Variants in ITPR1 observed in about 807,000 individuals in gnomAD.
ITPR1 encodes inositol 1,4,5-trisphosphate-gated calcium channel ITPR1.
A neutral mutation model predicts 318.4 loss-of-function variants in ITPR1; 96 were observed. The ratio of observed to expected loss-of-function variants is 0.30; its 90% CI spans 0.26 to 0.36. ITPR1 has a LOEUF of 0.36. ITPR1 is among the 10% of genes least tolerant of loss of function. The pLI, the probability that ITPR1 is intolerant of heterozygous loss-of-function variation, is 1.00. For missense variants in ITPR1, 2,440 were observed against 3,460.2 expected (o/e 0.71, Z 7.40); for synonymous variants, 1,312 against 1,289.9 (o/e 1.02, Z -0.37).
intron 4 of ITPR1, among the ~76,000 whole-genome samples, chr3:4,623,173 A>G (rs1263453571): frequency 7.9e-5 from 12 of 152,192 alleles, no homozygotes; most frequent in Non-Finnish European, 1.0e-4. Context: ...CTGATTTGAT[A>G]GTCAAACTCA....
intron 4 of ITPR1, among the ~76,000 whole-genome samples, chr3:4,557,039 G>A (rs80151924): frequency 0.015 from 2,219 of 152,204 alleles, 50 homozygotes; most frequent in African/African-American, 0.048. Context: ...TTTACAGCCC[G>A]ATATCACCAA....
chr3:4,780,671 G>T (rs1444958947), intron 49 of ITPR1, among the ~76,000 whole-genome samples: 1 of 152,172 alleles, frequency 6.6e-6, no homozygotes, highest in African/African-American at 2.4e-5. Context: ...AAAGTTAAGA[G>T]CAGCCCAGTT....
intron 44 of ITPR1, among the ~76,000 whole-genome samples, chr3:4,741,260 A>G (rs1365227990): frequency 1.3e-5 from 2 of 152,150 alleles, no homozygotes; most frequent in Non-Finnish European, 2.9e-5. Context: ...ATATGCTGAC[A>G]TGACCATAGA....
At chr3:4,757,526 C>T (rs1353252399) in intron 44 of ITPR1, among the ~76,000 whole-genome samples, 1 of 152,256 alleles carries the variant, frequency 6.6e-6, no homozygotes, top group East Asian at 1.9e-4. Context: ...AGGACAGACT[C>T]TTGCTCAGGG....
intron 4 of ITPR1, among the ~76,000 whole-genome samples, chr3:4,587,219 A>AT (rs5846328): frequency 0.18 from 27,693 of 149,750 alleles, 3,406 homozygotes; most frequent in East Asian, 0.41. Flanking sequence ...AAGGGCCTGC[A>AT]TTTCTAGCAA....
At chr3:4,624,850 T>G (rs2092772973) in intron 4 of ITPR1, among the ~76,000 whole-genome samples, 1 of 152,162 alleles carries the variant, frequency 6.6e-6, no homozygotes, top group Admixed American at 6.6e-5. Context: ...TCATGTATGG[T>G]TATTCATGGA....
chr3:4,499,639 T>C (rs953288780), intron 2 of ITPR1, among the ~76,000 whole-genome samples: 1 of 152,234 alleles, frequency 6.6e-6, no homozygotes, highest in East Asian at 1.9e-4. Context: ...CAGATCTTTT[T>C]TCCATGCATT....
chr3:4,814,366 C>G (rs1282573271), intron 57 of ITPR1, 57 bp from the exon 58 acceptor site: 1 of 1,586,666 alleles, frequency 6.3e-7, no homozygotes, highest in Non-Finnish European at 8.7e-7. Flanking sequence ...ATTTCAAAAT[C>G]CCGGTCTCTC....
intron 4 of ITPR1, among the ~76,000 whole-genome samples, chr3:4,619,495 C>G (rs1272328109): frequency 6.7e-6 from 1 of 150,266 alleles, no homozygotes; most frequent in African/African-American, 2.5e-5. Flanking sequence ...ACTCCTCCCT[C>G]TCTCCTTTCC....
chr3:4,516,333 C>CCA, intron 2 of ITPR1, 143 bp from the exon 3 acceptor site: 1 of 523,974 alleles, frequency 1.9e-6, no homozygotes, highest in Admixed American at 4.1e-5. Context: ...CTCATTGAAT[C>CCA]GCCTGCCTGT....
At chr3:4,635,259 G>T (rs1218409984) in intron 5 of ITPR1, among the ~76,000 whole-genome samples, 1 of 152,250 alleles carries the variant, frequency 6.6e-6, no homozygotes, top group African/African-American at 2.4e-5. Context: ...TCAATGTTAT[G>T]TTGAGTGAAA....
At chr3:4,566,343 G>A (rs1015316681) in intron 4 of ITPR1, among the ~76,000 whole-genome samples, 1 of 152,130 alleles carries the variant, frequency 6.6e-6, no homozygotes, top group African/African-American at 2.4e-5. Context: ...TTATGTATGA[G>A]TAGTAGTTTG....
chr3:4,601,498 T>G (rs2091280280), intron 4 of ITPR1, among the ~76,000 whole-genome samples: 1 of 98,032 alleles, frequency 1.0e-5, no homozygotes, highest in Non-Finnish European at 2.0e-5. Context: ...AGACCCTGTC[T>G]CAAAAAAAAA....
At chr3:4,496,507 A>G (rs1181146372) in intron 2 of ITPR1, among the ~76,000 whole-genome samples, 1 of 152,204 alleles carries the variant, frequency 6.6e-6, no homozygotes. Flanking sequence ...TGACAATGGT[A>G]TCTATTTAAA....
At chr3:4,807,255 G>C (rs142677308) in intron 55 of ITPR1, among the ~76,000 whole-genome samples, 201 of 152,154 alleles carry the variant, frequency 1.3e-3, no homozygotes, top group African/African-American at 4.6e-3. Flanking sequence ...GCGTATGAGA[G>C]GCATCCAGCC....
chr3:4,655,573 G>A (rs551869085), intron 12 of ITPR1, among the ~76,000 whole-genome samples: 2 of 152,276 alleles, frequency 1.3e-5, no homozygotes, highest in South Asian at 4.1e-4. Context: ...AGGTTGTCTG[G>A]GCTGCACAGC....
chr3:4,672,929 C>G (rs540002712), intron 20 of ITPR1, among the ~76,000 whole-genome samples: 31 of 152,306 alleles, frequency 2.0e-4, no homozygotes, highest in African/African-American at 7.2e-4. Context: ...TGTCAACCCA[C>G]ACTCTACTGC....
chr3:4,774,148 A>G (rs77130819), intron 46 of ITPR1, among the ~76,000 whole-genome samples: 1 of 152,250 alleles, frequency 6.6e-6, no homozygotes, highest in African/African-American at 2.4e-5. Context: ...ATTAATCTAT[A>G]TGCCTTTTTG....
chr3:4,769,146 C>G (rs748253659), intron 46 of ITPR1, among the ~76,000 whole-genome samples: 3 of 152,066 alleles, frequency 2.0e-5, no homozygotes, highest in Admixed American at 1.3e-4. Context: ...GTGATCCCCC[C>G]ACCTTGGCCT....
Sources: allele counts gnomAD v4.1 joint callset (sites outside exome capture counted in the v4.1 genomes callset), GRCh38; gene constraint gnomAD v4.1.1; transcripts MANE v1.5; gene names NCBI Gene and HGNC (gene_info 2026-07-23, HGNC 2026-07-21).